The following USP31 variants were observed in gnomAD, a reference collection of about 807,000 sequenced individuals.
The protein encoded by USP31 is ubiquitin specific peptidase 31, also known as ubiquitin carboxyl-terminal hydrolase 31.
USP31 carries 44 observed loss-of-function variants against 119.4 expected under a neutral mutation model. The observed-to-expected ratio is 0.37, with a 90% CI of 0.29 to 0.47. The LOEUF (loss-of-function observed/expected upper bound fraction) is 0.47. USP31 is among the 20% of genes least tolerant of loss of function. The pLI is 0.99. For missense variants in USP31, 1,643 were observed against 1,730.2 expected, an observed-to-expected ratio of 0.95 and a Z score of 0.89; for synonymous variants, 749 against 705.6, an observed-to-expected ratio of 1.06 and a Z score of -0.97.
Position 23,090,699 on chromosome 16 carries a change from G to A in USP31, c.1340C>T (p.Pro447Leu). ...CTTGTCGCTGCCTGCTCTTGATGTG[G>A]GAGAATCCATTTTCCCCTGCTTTGC... ...TAAKQGKMDSPTSRAGSDKIV... is the reference protein window; with the variant it reads ...TAAKQGKMDSLTSRAGSDKIV... The change falls in exon 7 of 16, where the codon CCC becomes CTC. Residue 447 changes from proline (P) to leucine (L), a missense_variant. Around this residue, in one of 5 missense-constraint regions of USP31, gnomAD observed 219 missense variants for 226.4 expected, o/e 0.97. Transcript: ENST00000219689. 6.2e-7 allele frequency: 1 copy of A among 1,614,042 alleles called. No homozygotes were observed. Among genetic ancestry groups the A allele is most frequent in the Non-Finnish European group, 8.5e-7 (1 of 1,179,964 alleles).
At chr16:23,077,677 T>C (rs1367155572) in intron 13 of USP31, among the ~76,000 whole-genome samples, 2 of 152,168 alleles carry the variant, frequency 1.3e-5, no homozygotes, top group African/African-American at 2.4e-5. Flanking sequence ...CCCTGAGAAG[T>C]ATACATATAT....
chr16:23,102,493 G>A, intron 5 of USP31, 30 bp from the exon 6 acceptor site: 1 of 1,589,104 alleles, frequency 6.3e-7, no homozygotes, highest in Non-Finnish European at 8.6e-7. Context: ...AAACAGGTGG[G>A]TAACTGGAAA....
chr16:23,072,417 T>C, intron 14 of USP31: 1 of 627,740 alleles, frequency 1.6e-6, no homozygotes, highest in South Asian at 1.9e-5. Flanking sequence ...CGCATGAAAT[T>C]TGTAGTAATA....
intron 1 of USP31, among the ~76,000 whole-genome samples, chr16:23,122,594 T>C (rs1485294866): frequency 6.6e-6 from 1 of 152,200 alleles, no homozygotes; most frequent in Non-Finnish European, 1.5e-5. Context: ...ATGTGAAATA[T>C]TCATATAATA....
intron 6 of USP31, among the ~76,000 whole-genome samples, chr16:23,096,944 G>C (rs1401825236): frequency 1.3e-5 from 2 of 152,048 alleles, no homozygotes; most frequent in Non-Finnish European, 2.9e-5. Context: ...AGAGAAGCAA[G>C]AGCAAACACA....
chr16:23,137,452 C>T (rs1002516573), intron 1 of USP31, among the ~76,000 whole-genome samples: 6 of 151,978 alleles, frequency 3.9e-5, no homozygotes, highest in Admixed American at 1.3e-4. Context: ...CAAACAGATT[C>T]AAGAAAACAA....
Position 23,085,827 on chromosome 16 carries a change from C to G in USP31, c.1623-165G>C, listed in dbSNP as rs1173084028. Reference sequence around the variant, plus strand: ...AAAGTTTTCAGCAAGACCACTATAACCACTGATTTAATAACTACATTTCAA... The same window carrying G: ...AAAGTTTTCAGCAAGACCACTATAAGCACTGATTTAATAACTACATTTCAA... On this transcript the variant is annotated intron_variant, in intron 9 of 15. Coordinates refer to ENST00000219689, the MANE Select transcript of USP31 (RefSeq NM_020718.4). Among the ~76,000 whole-genome samples the G allele has an allele frequency of 4.6e-5, 7 of 152,160 alleles. No individual in the cohort carries two copies. The South Asian group carries it at 1.4e-3, about 31-fold the overall frequency.
At chr16:23,142,523 G>C (rs1903382081) in intron 1 of USP31, among the ~76,000 whole-genome samples, 1 of 152,172 alleles carries the variant, frequency 6.6e-6, no homozygotes, top group African/African-American at 2.4e-5. Flanking sequence ...AGGCCACCCA[G>C]GCCCAGGACC....
intron 6 of USP31, 55 bp from the exon 7 acceptor site, chr16:23,090,859 T>C: frequency 7.2e-7 from 1 of 1,387,680 alleles, no homozygotes; most frequent in African/African-American, 1.4e-5. Flanking sequence ...TTTTATTCAC[T>C]CGTTATGAAG....
At chr16:23,082,234 C>T (rs1900862500) in intron 12 of USP31, among the ~76,000 whole-genome samples, 1 of 152,156 alleles carries the variant, frequency 6.6e-6, no homozygotes, top group African/African-American at 2.4e-5. Flanking sequence ...AAAATATCTG[C>T]AATCTGAACT....
At chr16:23,118,634 C>T (rs1412102287) in intron 1 of USP31, among the ~76,000 whole-genome samples, 3 of 152,136 alleles carry the variant, frequency 2.0e-5, no homozygotes, top group East Asian at 3.9e-4. Context: ...CTAGGACATA[C>T]CATCTCACAT....
intron 1 of USP31, among the ~76,000 whole-genome samples, chr16:23,117,595 C>G (rs1254404230): frequency 2.0e-5 from 3 of 152,060 alleles, no homozygotes; most frequent in Non-Finnish European, 4.4e-5. Context: ...AAAGTTGTCC[C>G]AACAGATTAT....
chr16:23,101,970 T>TAA (rs34773118), intron 6 of USP31, among the ~76,000 whole-genome samples: 3,769 of 85,128 alleles, frequency 0.044, 81 homozygotes, highest in Admixed American at 0.064. Context: ...TAGCAAAATT[T>TAA]AAAAAAAAAA....
In USP31 at chr16:23,105,546, G is replaced by C. The variant is rs1200604530; in HGVS notation, c.984C>G (p.Gly328=). The change falls in exon 5 of 16, where the codon GGC becomes GGG. Residue 328 remains glycine (G), a synonymous_variant. Transcript: ENST00000219689. ...CAATCCTCATGCAGTGAGAACATTT[G>C]CCTTGATACACTACAGTGACATAGA... ...RPLYVTVVYQ[G]KCSHCMRIGV... 1.2e-6 allele frequency: 2 copies of C among 1,614,054 alleles called. No homozygotes were observed. The highest frequency in any genetic ancestry group is 1.7e-5 in the Admixed American group (1 of 60,030).
intron 7 of USP31, among the ~76,000 whole-genome samples, chr16:23,089,268 G>A (rs977202627): frequency 2.0e-5 from 3 of 152,102 alleles, no homozygotes; most frequent in East Asian, 1.9e-4. Flanking sequence ...CTTCAGGGAC[G>A]TCTTCCCTGA....
chr16:23,105,045 T>A (rs2141872152), intron 5 of USP31, among the ~76,000 whole-genome samples: 1 of 152,288 alleles, frequency 6.6e-6, no homozygotes, highest in East Asian at 1.9e-4. Context: ...ACTCTTATCA[T>A]CACAATGGGA....
At chr16:23,106,150 C>A in intron 4 of USP31, 63 bp downstream of exon 4, 1 of 1,566,356 alleles carries the variant, frequency 6.4e-7, no homozygotes, top group Non-Finnish European at 8.8e-7. Context: ...CTAATAGGAG[C>A]CTACAGAGGC....
intron 1 of USP31, among the ~76,000 whole-genome samples, chr16:23,137,644 C>G (rs1903233126): frequency 6.7e-6 from 1 of 149,638 alleles, no homozygotes; most frequent in Non-Finnish European, 1.5e-5. Flanking sequence ...TATAACATAA[C>G]ACATGCGACA....
At chr16:23,109,518 T>C (rs1902235913) in intron 1 of USP31, among the ~76,000 whole-genome samples, 1 of 152,094 alleles carries the variant, frequency 6.6e-6, no homozygotes, top group Admixed American at 6.6e-5. Flanking sequence ...TTCCAAATAA[T>C]TTATATCAAT....
Sources: allele counts gnomAD v4.1 joint callset (sites outside exome capture counted in the v4.1 genomes callset), GRCh38; gene constraint gnomAD v4.1.1; regional missense constraint gnomAD v4.1.1; transcripts MANE v1.5; gene names NCBI Gene and HGNC (gene_info 2026-07-23, HGNC 2026-07-21).